The following SYN3 variants were observed in gnomAD, a reference collection of about 807,000 sequenced individuals.
The protein encoded by SYN3 is synapsin III, also known as synapsin-3.
SYN3 carries 35 observed loss-of-function variants against 65.8 expected under a neutral mutation model. The observed-to-expected ratio is 0.53, with a 90% CI of 0.41 to 0.70. The LOEUF is 0.70. SYN3 is among the 30% of genes least tolerant of loss of function. The pLI, the probability that SYN3 is intolerant of heterozygous loss-of-function variation, is 0.00. For synonymous variants in SYN3, 270 were observed against 292.9 expected (o/e 0.92, Z 0.80); for missense variants, 680 against 749.0 (o/e 0.91, Z 1.08).
chr22:32,658,082 G>T (rs920549714), intron 6 of SYN3, among the ~76,000 whole-genome samples: 6 of 152,210 alleles, frequency 3.9e-5, no homozygotes, highest in African/African-American at 1.2e-4. Flanking sequence ...AGCATGCTGA[G>T]GGGGAGGAGA....
Position 32,896,832 on chromosome 22 carries a change from C to T in SYN3, c.462-27707G>A, listed in dbSNP as rs555515088. On this transcript the variant is annotated intron_variant, in intron 4 of 13. Coordinates refer to ENST00000358763, the MANE Select transcript of SYN3 (RefSeq NM_003490.4). ...GAAAGGCCATGGGCTTATGGTGAGG[C>T]TTACCTGAGATGATACAAGTGAACA... 9.1e-4 allele frequency among the ~76,000 whole-genome samples: 138 copies of T among 152,262 alleles called. 1 individual carries two copies. Among genetic ancestry groups the T allele is most frequent in the Non-Finnish European group, 1.3e-3 (89 of 68,022 alleles).
intron 13 of SYN3, among the ~76,000 whole-genome samples, chr22:32,517,011 T>C (rs1347208063): frequency 6.6e-6 from 1 of 152,178 alleles, no homozygotes; most frequent in Non-Finnish European, 1.5e-5. Flanking sequence ...TTGGGACCTC[T>C]CTTTAGGACA....
intron 6 of SYN3, among the ~76,000 whole-genome samples, chr22:32,751,740 G>C (rs776575675): frequency 6.6e-6 from 1 of 152,190 alleles, no homozygotes; most frequent in Non-Finnish European, 1.5e-5. Flanking sequence ...GAGCCGTTGA[G>C]GAAAGGCTTG....
rs148786033 is a variant in SYN3, at chr22:32,863,985, C to T, written c.711+930G>A. 3.5e-3 allele frequency among the ~76,000 whole-genome samples: 533 copies of T among 152,256 alleles called. 3 individuals carry two copies. The highest frequency in any genetic ancestry group is 0.012 in the African/African-American group (510 of 41,540). The stretch of plus-strand genomic sequence containing the variant: ...CTGGATTCTGTGACTCTTGCCCGAT[C>T]AGATACAGGGGAAAGATCATCAATA... On this transcript the variant is annotated intron_variant, in intron 6 of 13. Coordinates refer to ENST00000358763, the MANE Select transcript of SYN3 (RefSeq NM_003490.4).
chr22:32,657,030 A>C (rs1294052711), intron 6 of SYN3, among the ~76,000 whole-genome samples: 3 of 151,942 alleles, frequency 2.0e-5, no homozygotes, highest in African/African-American at 7.3e-5. Flanking sequence ...CTGGGAAGAG[A>C]TCCCCTCCCA....
chr22:32,868,146 C>T (rs2048739224), intron 5 of SYN3, among the ~76,000 whole-genome samples: 1 of 152,126 alleles, frequency 6.6e-6, no homozygotes, highest in South Asian at 2.1e-4. Context: ...GCATAGTTTT[C>T]TGGGACATAG....
At chr22:32,952,379 AAAAAT>A (rs1490775461) in intron 3 of SYN3, among the ~76,000 whole-genome samples, 3 of 152,174 alleles carry the variant, frequency 2.0e-5, no homozygotes, top group African/African-American at 4.8e-5. Flanking sequence ...AACACAGAAA[AAAAAT>A]AAAATAATAA....
chr22:33,051,408 C>A (rs2054162914), intron 1 of SYN3, among the ~76,000 whole-genome samples: 1 of 152,158 alleles, frequency 6.6e-6, no homozygotes, highest in Non-Finnish European at 1.5e-5. Flanking sequence ...GTGGTTCTTG[C>A]TAGCAGTTTT....
intron 6 of SYN3, among the ~76,000 whole-genome samples, chr22:32,607,009 C>T (rs1266131984): frequency 1.3e-5 from 2 of 149,360 alleles, no homozygotes; most frequent in African/African-American, 5.0e-5. Context: ...TCCCTCCCCG[C>T]CTCCCCCCAC....
intron 4 of SYN3, among the ~76,000 whole-genome samples, chr22:32,888,936 C>G (rs899666353): frequency 6.6e-6 from 1 of 152,198 alleles, no homozygotes; most frequent in Non-Finnish European, 1.5e-5. Context: ...ATGATGAGTT[C>G]TGCCTTAGCC....
intron 4 of SYN3, among the ~76,000 whole-genome samples, chr22:32,892,741 G>A (rs765376901): frequency 2.0e-5 from 3 of 152,134 alleles, no homozygotes; most frequent in Admixed American, 6.5e-5. Flanking sequence ...TTCTGCTGTA[G>A]GTCTTAGCAA....
At chr22:32,709,712 C>T (rs1465271496) in intron 6 of SYN3, among the ~76,000 whole-genome samples, 12 of 151,972 alleles carry the variant, frequency 7.9e-5, no homozygotes, top group Non-Finnish European at 1.8e-4. Flanking sequence ...TTTTCCCCCA[C>T]AACTCTTTTC....
At chr22:33,028,694 G>GTGGTGGTGGTGGTGGTGGTGGTGGTGA (rs2053689903) in intron 1 of SYN3, among the ~76,000 whole-genome samples, 1 of 131,226 alleles carries the variant, frequency 7.6e-6, no homozygotes, top group Non-Finnish European at 1.7e-5. Context: ...GGTGGTGATG[G>GTGGTGGTGGTGGTGGTGGTGGTGGTGA]TGGTGGTGGT....
chr22:32,515,780 C>T (rs778990925), intron 13 of SYN3, among the ~76,000 whole-genome samples: 15 of 151,512 alleles, frequency 9.9e-5, no homozygotes, highest in African/African-American at 3.2e-4. Flanking sequence ...AAATAAAATT[C>T]GAAGAAACTC....
At chr22:33,041,336 G>T (rs946128054) in intron 1 of SYN3, among the ~76,000 whole-genome samples, 13 of 148,256 alleles carry the variant, frequency 8.8e-5, no homozygotes, top group Non-Finnish European at 1.6e-4. Context: ...CTGTCGCCAG[G>T]CTGGAGTGCA....
At chr22:32,648,113 C>T (rs2060010243) in intron 6 of SYN3, among the ~76,000 whole-genome samples, 1 of 152,098 alleles carries the variant, frequency 6.6e-6, no homozygotes, top group South Asian at 2.1e-4. Context: ...GTCCTGCACA[C>T]TTCAGCTTCC....
chr22:32,691,464 G>A (rs1334596842), intron 6 of SYN3, among the ~76,000 whole-genome samples: 2 of 152,160 alleles, frequency 1.3e-5, no homozygotes, highest in Non-Finnish European at 2.9e-5. Flanking sequence ...ATATTTGTGT[G>A]TCTGGCAGGA....
chr22:32,604,862 C>G (rs147807134), intron 6 of SYN3, among the ~76,000 whole-genome samples: 6,288 of 151,768 alleles, frequency 0.041, 432 homozygotes, highest in African/African-American at 0.14. Flanking sequence ...AAAAATTAGC[C>G]GGGCGTGGTG....
At chr22:33,037,653 C>T (rs1477477013) in intron 1 of SYN3, among the ~76,000 whole-genome samples, 1 of 152,130 alleles carries the variant, frequency 6.6e-6, no homozygotes, top group Non-Finnish European at 1.5e-5. Context: ...CAGAAAGGTT[C>T]GGTAATTTGC....
Sources: gnomAD v4.1 joint callset for allele counts (sites outside exome capture counted in the v4.1 genomes callset) on GRCh38, gnomAD v4.1.1 for gene constraint, MANE v1.5 for transcripts, NCBI Gene and HGNC (gene_info 2026-07-23, HGNC 2026-07-21) for gene names.